Variants in RAP1GAP2 observed in about 807,000 individuals in gnomAD.
RAP1GAP2 encodes the protein RAP1 GTPase activating protein 2.
Under a neutral mutation model 95.0 loss-of-function variants are expected in RAP1GAP2, and 27 were observed. The ratio of observed to expected loss-of-function variants is 0.28; its 90% CI spans 0.21 to 0.39. RAP1GAP2 has a LOEUF of 0.39. Among genes scored for constraint, RAP1GAP2 ranks in the 10% least tolerant of loss-of-function variants. The pLI is 1.00. For synonymous variants in RAP1GAP2, 373 were observed against 380.9 expected (o/e 0.98, Z 0.24); for missense variants, 771 against 970.0 (o/e 0.79, Z 2.72).
intron 2 of RAP1GAP2, among the ~76,000 whole-genome samples, chr17:2,864,583 C>G (rs1311662823): frequency 1.3e-5 from 2 of 152,182 alleles, no homozygotes; most frequent in Non-Finnish European, 2.9e-5. Context: ...CCCTGAAGGA[C>G]GGGACGTACG....
chr17:2,847,786 G>A (rs997490404), intron 2 of RAP1GAP2, among the ~76,000 whole-genome samples: 1 of 152,156 alleles, frequency 6.6e-6, no homozygotes, highest in Non-Finnish European at 1.5e-5. Context: ...GGACTGTGCT[G>A]TAGGCCACCC....
At chr17:2,872,375 G>A (rs1453383222) in intron 2 of RAP1GAP2, among the ~76,000 whole-genome samples, 2 of 152,094 alleles carry the variant, frequency 1.3e-5, no homozygotes, top group African/African-American at 4.8e-5. Context: ...GCACATCCGA[G>A]GGGAGTGGGA....
chr17:2,786,182 T>G (rs2068769463), intron 1 of RAP1GAP2, among the ~76,000 whole-genome samples: 1 of 152,186 alleles, frequency 6.6e-6, no homozygotes, highest in Admixed American at 6.5e-5. Flanking sequence ...ATTACAGGCG[T>G]GAGCCACCGC....
intron 2 of RAP1GAP2, among the ~76,000 whole-genome samples, chr17:2,888,652 C>CTTTTT (rs59994615): frequency 2.9e-5 from 3 of 104,016 alleles, no homozygotes; most frequent in Non-Finnish European, 5.8e-5. Flanking sequence ...TTTTCTTTTT[C>CTTTTT]TTTTTTTTTT....
chr17:2,935,588 C>A (rs1182009772), intron 3 of RAP1GAP2, among the ~76,000 whole-genome samples: 1 of 149,776 alleles, frequency 6.7e-6, no homozygotes, highest in Non-Finnish European at 1.5e-5. Flanking sequence ...ATAAATGTCA[C>A]CCCCCCGCCC....
At chr17:2,839,120 T>C (rs564642065) in intron 2 of RAP1GAP2, among the ~76,000 whole-genome samples, 2 of 152,044 alleles carry the variant, frequency 1.3e-5, no homozygotes, top group Non-Finnish European at 2.9e-5. Flanking sequence ...CTGGCCAACA[T>C]GGTGAAACCC....
Position 3,004,061 on chromosome 17 carries a change from C to G in RAP1GAP2, c.1201-1308C>G, listed in dbSNP as rs2046255938. Among the ~76,000 whole-genome samples the G allele has an allele frequency of 6.6e-6, 1 of 152,202 alleles. No individual in the cohort carries two copies. Among genetic ancestry groups the G allele is most frequent in the African/African-American group, 2.4e-5 (1 of 41,442 alleles). ...TGGGGCTGCCCTCTGGCCTCTGTCC[C>G]AGGTGCCCACGGTCTGCAGTCTCCC... On this transcript the variant is annotated intron_variant, in intron 14 of 24. Transcript: ENST00000254695. This position sits in a 1 kb window ranked among gnomAD's most constrained non-coding sequence, Gnocchi z 4.1.
At chr17:2,767,873 C>G (rs1210144085) in intron 1 of RAP1GAP2, among the ~76,000 whole-genome samples, 1 of 151,916 alleles carries the variant, frequency 6.6e-6, no homozygotes, top group Non-Finnish European at 1.5e-5. Flanking sequence ...GCTGGGATTA[C>G]AGGTACCTGC....
intron 1 of RAP1GAP2, among the ~76,000 whole-genome samples, chr17:2,758,876 T>C (rs986755908): frequency 1.3e-5 from 2 of 152,138 alleles, no homozygotes; most frequent in South Asian, 4.1e-4. Context: ...GAGGCTGGAG[T>C]GCAGTGGCGA....
chr17:2,828,597 C>T (rs976294922), intron 2 of RAP1GAP2, among the ~76,000 whole-genome samples: 10 of 152,010 alleles, frequency 6.6e-5, no homozygotes, highest in African/African-American at 1.4e-4. Context: ...ACAGTTTCCC[C>T]GTCCGCCAGC....
intron 2 of RAP1GAP2, among the ~76,000 whole-genome samples, chr17:2,846,347 C>T (rs778901792): frequency 5.3e-5 from 8 of 152,098 alleles, no homozygotes; most frequent in South Asian, 2.1e-4. Context: ...CGTATTCCAC[C>T]GCGGGGATGT....
rs761210086 is a variant in RAP1GAP2 at position 2,905,264 on chromosome 17, C to G, written c.81-20C>G. Reference sequence around the variant, plus strand: ...AAGGCGCAGGCAGGTCCTCACTCACCTCTTTTGGCCTCTTCACAGGAAGCA... The same window carrying G: ...AAGGCGCAGGCAGGTCCTCACTCACGTCTTTTGGCCTCTTCACAGGAAGCA... On this transcript the variant is annotated intron_variant, in intron 2 of 24. Coordinates refer to ENST00000254695, the MANE Select transcript of RAP1GAP2 (RefSeq NM_015085.5). 6.2e-7 allele frequency: 1 copy of G among 1,612,052 alleles called. No individual in the cohort carries two copies. The highest frequency in any genetic ancestry group is 1.1e-5 in the South Asian group (1 of 90,938).
At chr17:2,772,389 C>T (rs1428319064), upstream of RAP1GAP2, among the ~76,000 whole-genome samples, 1 of 152,144 alleles carries the variant, frequency 6.6e-6, no homozygotes, top group Non-Finnish European at 1.5e-5. Context: ...CTTTTGGGCT[C>T]AAGGAATCCT....
intron 2 of RAP1GAP2, among the ~76,000 whole-genome samples, chr17:2,829,139 C>A (rs371084478): frequency 6.6e-6 from 1 of 151,892 alleles, no homozygotes; most frequent in Non-Finnish European, 1.5e-5. Flanking sequence ...CCCGCCACCA[C>A]GCCCGGCTAA....
chr17:2,791,697 C>G (rs767908901), upstream of RAP1GAP2, among the ~76,000 whole-genome samples: 1 of 152,156 alleles, frequency 6.6e-6, no homozygotes, highest in Non-Finnish European at 1.5e-5. Context: ...CCACAGGAGA[C>G]TCACAGATGC....
In RAP1GAP2 at chr17:3,027,915, C is replaced by G. The variant is rs935027240; in HGVS notation, c.2107+845C>G. Among the ~76,000 whole-genome samples the G allele has an allele frequency of 6.6e-6, 1 of 151,992 alleles. No individual in the cohort carries two copies. Among genetic ancestry groups the G allele is most frequent in the African/African-American group, 2.4e-5 (1 of 41,364 alleles). ...GCAGGAGTCTGGGCGTTTTGGGGTT[C>G]TGTGATCCCTGCAGTTGGTCAGAAT... On this transcript the variant is annotated intron_variant, in intron 22 of 24. Transcript: ENST00000254695. This position sits in a 1 kb window ranked among gnomAD's most constrained non-coding sequence, Gnocchi z 5.2.
intron 8 of RAP1GAP2, among the ~76,000 whole-genome samples, chr17:2,971,926 C>A (rs564117738): frequency 5.3e-5 from 8 of 151,886 alleles, no homozygotes; most frequent in Admixed American, 5.2e-4. Context: ...ACTAGCTAGT[C>A]GAATATAGAT....
chr17:2,901,698 G>A (rs201747710), intron 2 of RAP1GAP2, among the ~76,000 whole-genome samples: 1 of 152,046 alleles, frequency 6.6e-6, no homozygotes. Context: ...GAGAAAAAGG[G>A]ATAAAACTGC....
At chr17:2,788,120 T>C (rs1225326703) in intron 1 of RAP1GAP2, among the ~76,000 whole-genome samples, 1 of 152,214 alleles carries the variant, frequency 6.6e-6, no homozygotes, top group African/African-American at 2.4e-5. Flanking sequence ...AAAAACAAAA[T>C]TGTTGGCATA....
Sources: gnomAD v4.1 joint callset for allele counts (sites outside exome capture counted in the v4.1 genomes callset) on GRCh38, gnomAD v4.1.1 for gene constraint, Gnocchi (gnomAD v3.1) non-coding constraint, MANE v1.5 for transcripts, NCBI Gene and HGNC (gene_info 2026-07-23, HGNC 2026-07-21) for gene names.